The following FGFR2 variants were observed in gnomAD, a reference collection of about 807,000 sequenced individuals.
FGFR2 encodes BEK fibroblast growth factor receptor.
Under a neutral mutation model 95.9 loss-of-function variants are expected in FGFR2, and 19 were observed. The observed-to-expected ratio is 0.20, with a 90% CI of 0.14 to 0.29. The LOEUF (loss-of-function observed/expected upper bound fraction) is 0.29, where lower values mean the gene tolerates loss of function less well. FGFR2 is among the 10% of genes least tolerant of loss of function. The probability of loss-of-function intolerance (pLI) is 1.00; values close to 1 mark genes in which losing one functional copy is unlikely to be tolerated. For synonymous variants in FGFR2, 392 were observed against 393.3 expected, an observed-to-expected ratio of 1.00 and a Z score of 0.04; for missense variants, 707 against 1,056.9, an observed-to-expected ratio of 0.67 and a Z score of 4.59.
chr10:121,512,076 T>G (rs1849123390), intron 9 of FGFR2, among the ~76,000 whole-genome samples: 1 of 151,942 alleles, frequency 6.6e-6, no homozygotes, highest in Non-Finnish European at 1.5e-5. Flanking sequence ...AGACACTGAG[T>G]GATCCCTGTG....
rs1554915724 is a variant in FGFR2 at position 121,498,610 on chromosome 10, G to A, written c.1562-5C>T. On this transcript the variant is annotated splice_polypyrimidine_tract_variant and splice_region_variant and intron_variant, in intron 11 of 17. Coordinates refer to ENST00000358487, the MANE Select transcript of FGFR2 (RefSeq NM_000141.5). ...GGTCTTTCTCTGTGGCATCATCTAT[G>A]AACAGTAGGCATATTCACAAATCAG... The A allele has an allele frequency of 6.2e-7, 1 of 1,612,708 alleles. No homozygotes were observed. Among genetic ancestry groups the A allele is most frequent in the Non-Finnish European group, 8.5e-7 (1 of 1,178,726 alleles).
At chr10:121,578,619 T>C (rs1167865790) in intron 2 of FGFR2, among the ~76,000 whole-genome samples, 1 of 152,250 alleles carries the variant, frequency 6.6e-6, no homozygotes, top group African/African-American at 2.4e-5. Context: ...CTTCCAAAGA[T>C]GCTGGGTCAG....
chr10:121,558,878 C>T (rs1052445236), intron 4 of FGFR2, among the ~76,000 whole-genome samples: 29 of 152,004 alleles, frequency 1.9e-4, no homozygotes, highest in Admixed American at 2.6e-4. Flanking sequence ...TGAGCCACCG[C>T]GCCCGATCTT....
chr10:121,567,039 A>T (rs866005242), intron 2 of FGFR2, among the ~76,000 whole-genome samples: 2 of 152,158 alleles, frequency 1.3e-5, no homozygotes, highest in South Asian at 4.1e-4. Flanking sequence ...CCAGAGTTCC[A>T]GGCCTAGAAA....
chr10:121,523,735 T>A (rs1850894064), intron 6 of FGFR2, among the ~76,000 whole-genome samples: 2 of 152,204 alleles, frequency 1.3e-5, no homozygotes. Context: ...TGGGTGCGTT[T>A]TAAGATAAAT....
rs1255084036 is a variant in FGFR2 at position 121,558,676 on chromosome 10, C to T, written c.454+5826G>A. ...AGGCTGGGGTGCAGTGGCACAATTT[C>T]GGCTCACTGCAACCTCCACTTCCCG... is the stretch of plus-strand genomic sequence containing the variant. On this transcript the variant is annotated intron_variant, in intron 4 of 17. Transcript: ENST00000358487. Among the ~76,000 whole-genome samples the T allele has an allele frequency of 1.5e-4, 22 of 144,860 alleles. 1 individual carries two copies. Among genetic ancestry groups the T allele is most frequent in the Admixed American group, 1.0e-3 (15 of 14,308 alleles).
Position 121,517,209 on chromosome 10 carries a change from T to C in FGFR2, c.1084+110A>G, listed in dbSNP as rs745690317. 3.3e-6 allele frequency: 4 copies of C among 1,227,946 alleles called. No homozygotes were observed. The highest frequency in any genetic ancestry group is 3.6e-6 in the Non-Finnish European group (3 of 839,160). The allele number at this position is 1,227,946 out of a possible 1,614,324, so 76.1% of individuals were successfully genotyped here. On this transcript the variant is annotated intron_variant, in intron 8 of 17. Transcript: ENST00000358487. This position sits in a 1 kb window ranked among gnomAD's most constrained non-coding sequence, Gnocchi z 4.7. ...GGGATCATTTTTAACATTTTTTATA[T>C]CTTTATGCAAGGATAAAAGGGGCCA...
intron 10 of FGFR2, among the ~76,000 whole-genome samples, chr10:121,501,487 G>A (rs1353517556): frequency 6.6e-6 from 1 of 150,922 alleles, no homozygotes; most frequent in East Asian, 1.9e-4. Context: ...CTTTTTTTTT[G>A]ACATAAGTTT....
intron 2 of FGFR2, among the ~76,000 whole-genome samples, chr10:121,575,972 G>C (rs911494326): frequency 1.3e-5 from 2 of 151,996 alleles, no homozygotes; most frequent in Non-Finnish European, 2.9e-5. Flanking sequence ...GATCACCTGA[G>C]GTCAGGAGAG....
rs919183885 is a variant in FGFR2, at chr10:121,565,652, T to C, written c.162A>G (p.Pro54=). The change falls in exon 3 of 18, where the codon CCA becomes CCG. Residue 54 remains proline, a synonymous_variant. Transcript: ENST00000358487. ...GGCAGCGCACCTCTAGCGACTCCCC[T>C]GGCGCAGCCACGTACACTTCTGGTT... ...ISQPEVYVAA[P]GESLEVRCLL... is the part of the protein sequence containing the mutation. 4 of 1,614,086 alleles carry C rather than the reference T, an allele frequency of 2.5e-6. No individual in the cohort carries two copies. Among genetic ancestry groups the C allele is most frequent in the Middle Eastern group, 3.3e-4 (2 of 6,084 alleles).
Position 121,485,581 on chromosome 10 carries a change from A to G in FGFR2, c.2058-49T>C. On this transcript the variant is annotated intron_variant, in intron 15 of 17. Transcript: ENST00000358487. This position sits in a 1 kb window ranked among gnomAD's most constrained non-coding sequence, Gnocchi z 4.2. Reference sequence around the variant, plus strand: ...GCATTACTAACCCATCCACGTTGCCAAAACCTAAACACGCCCAGCTGAGAC... The same window carrying G: ...GCATTACTAACCCATCCACGTTGCCGAAACCTAAACACGCCCAGCTGAGAC... 3 of 1,613,598 alleles carry G rather than the reference A, an allele frequency of 1.9e-6. No homozygotes were observed. Among genetic ancestry groups the G allele is most frequent in the Admixed American group, 1.7e-5 (1 of 59,996 alleles).
intron 2 of FGFR2, among the ~76,000 whole-genome samples, chr10:121,582,720 T>G (rs1489136512): frequency 6.6e-6 from 1 of 151,968 alleles, no homozygotes; most frequent in African/African-American, 2.4e-5. Context: ...GAGGCAGAGG[T>G]TGCAGTGATC....
In FGFR2 at chr10:121,524,099, TATACACACACACACACAC is replaced by T. The variant is rs1360799038; in HGVS notation, c.749-3948_749-3931del. ...TTATTCCAATGCTATCCCGGCTATGTATACACACACACACACACACACACACACACACACACACACACA... is the reference window on the plus strand; with the variant it reads ...TTATTCCAATGCTATCCCGGCTATGTACACACACACACACACACACACACA... On this transcript the variant is annotated intron_variant, in intron 6 of 17. Transcript: ENST00000358487. Among the ~76,000 whole-genome samples the T allele has an allele frequency of 2.0e-4, 28 of 137,272 alleles. No homozygotes were observed. The South Asian group carries it at 2.5e-3, about 12-fold the overall frequency. 90.1% of individuals were successfully genotyped at this position (137,272 alleles called of 152,430 possible).
intron 9 of FGFR2, among the ~76,000 whole-genome samples, chr10:121,513,109 G>A (rs1460338138): frequency 6.6e-6 from 1 of 152,032 alleles, no homozygotes; most frequent in Admixed American, 6.6e-5. Context: ...CCTGACCTCG[G>A]GTGATCCACG....
chr10:121,514,830 C>G (rs1849484075), intron 9 of FGFR2, among the ~76,000 whole-genome samples: 1 of 152,204 alleles, frequency 6.6e-6, no homozygotes, highest in Non-Finnish European at 1.5e-5. Context: ...CAAACACACA[C>G]AGGGGGATTT....
chr10:121,547,946 G>C (rs1854767403), intron 5 of FGFR2, among the ~76,000 whole-genome samples: 1 of 152,162 alleles, frequency 6.6e-6, no homozygotes, highest in South Asian at 2.1e-4. Context: ...TGATGCCTTA[G>C]GTAACTGAAG....
intron 8 of FGFR2, among the ~76,000 whole-genome samples, chr10:121,516,594 G>C (rs1165002782): frequency 6.6e-6 from 1 of 152,188 alleles, no homozygotes; most frequent in Non-Finnish European, 1.5e-5. Flanking sequence ...CAAAGAGGCA[G>C]ATGCATCAGA....
chr10:121,486,483 C>A (rs564876122), intron 15 of FGFR2, among the ~76,000 whole-genome samples: 1 of 152,284 alleles, frequency 6.6e-6, no homozygotes, highest in South Asian at 2.1e-4. Context: ...CGCTCTGTTG[C>A]CAGGCTGGAG....
At chr10:121,508,061 A>G (rs943920402) in intron 9 of FGFR2, among the ~76,000 whole-genome samples, 8 of 152,250 alleles carry the variant, frequency 5.3e-5, no homozygotes, top group African/African-American at 1.7e-4. Context: ...GAGAGGATGT[A>G]CACAGTTCAT....
Sources: allele counts gnomAD v4.1 joint callset (sites outside exome capture counted in the v4.1 genomes callset), GRCh38; gene constraint gnomAD v4.1.1; non-coding constraint Gnocchi (gnomAD v3.1); transcripts MANE v1.5; gene names NCBI Gene and HGNC (gene_info 2026-07-23, HGNC 2026-07-21).